The following MTOR variants were observed in gnomAD, a reference collection of about 807,000 sequenced individuals.
MTOR encodes serine/threonine-protein kinase mTOR.
A neutral mutation model predicts 319.8 loss-of-function variants in MTOR; 70 were observed. The observed-to-expected ratio is 0.22, with a 90% confidence interval of 0.18 to 0.27. The LOEUF is 0.27. MTOR is among the 10% of genes least tolerant of loss of function. MTOR has a pLI of 1.00. For missense variants in MTOR, 1,890 were observed against 3,274.4 expected (o/e 0.58, Z 10.32); for synonymous variants, 1,183 against 1,211.4 (o/e 0.98, Z 0.49).
chr1:11,175,946 C>A (rs1210076900), intron 28 of MTOR, among the ~76,000 whole-genome samples: 1 of 152,094 alleles, frequency 6.6e-6, no homozygotes, highest in East Asian at 1.9e-4. Context: ...TGTGTTTTCA[C>A]CATGTTGGCC....
At chr1:11,174,239 T>G (rs1431034641) in intron 28 of MTOR, among the ~76,000 whole-genome samples, 1 of 152,180 alleles carries the variant, frequency 6.6e-6, no homozygotes, top group Non-Finnish European at 1.5e-5. Context: ...TTTCTCCTCT[T>G]GGCATCAGTA....
intron 28 of MTOR, chr1:11,192,393 C>T: frequency 6.4e-7 from 1 of 1,555,420 alleles, no homozygotes; most frequent in South Asian, 1.1e-5. Flanking sequence ...CAGTCACTGG[C>T]CATGCCCTAA....
At chr1:11,252,112 A>G (rs892561173) in intron 6 of MTOR, among the ~76,000 whole-genome samples, 5 of 152,184 alleles carry the variant, frequency 3.3e-5, no homozygotes, top group Non-Finnish European at 7.3e-5. Context: ...TCCCTCCGAT[A>G]AAGTAGCATA....
chr1:11,206,093 G>T (rs147874632), intron 25 of MTOR, among the ~76,000 whole-genome samples: 119 of 152,312 alleles, frequency 7.8e-4, no homozygotes, highest in African/African-American at 2.8e-3. Context: ...GAGAACCTCT[G>T]AATGAGAAGG....
intron 1 of MTOR, among the ~76,000 whole-genome samples, chr1:11,260,731 C>T (rs890958219): frequency 1.4e-5 from 2 of 146,816 alleles, no homozygotes; most frequent in South Asian, 2.2e-4. Flanking sequence ...TTTTTTTTAG[C>T]GAGTCTTCAA....
chr1:11,195,879 T>C (rs988793564), intron 28 of MTOR: 2 of 152,288 alleles, frequency 1.3e-5, no homozygotes, highest in African/African-American at 4.8e-5. Flanking sequence ...TAATAATAAA[T>C]GCTGTAAATA....
rs1325861413 is a variant in MTOR at position 11,240,291 on chromosome 1, G to A, written c.1786+12C>T. ...TCTCACTATCTTGGCAAGAGCCGTTGTAATTTCTTACCTTCAAATTCAAAG... is the reference window on the plus strand; with the variant it reads ...TCTCACTATCTTGGCAAGAGCCGTTATAATTTCTTACCTTCAAATTCAAAG... On this transcript the variant is annotated intron_variant, in intron 11 of 57. Transcript: ENST00000361445. 5.2e-6 allele frequency: 8 copies of A among 1,544,010 alleles called. No homozygotes were observed.
chr1:11,115,951 C>T lies in MTOR; in HGVS notation c.7017-483G>A, dbSNP rs552544048. On this transcript the variant is annotated intron_variant, in intron 50 of 57. Coordinates refer to ENST00000361445, the MANE Select transcript of MTOR (RefSeq NM_004958.4). The surrounding 1 kb of genome is among the most constrained non-coding windows in gnomAD (Gnocchi z 4.5). ...GTAACAGGGTCTCATCTCCTTAAGT[C>T]CCTGAGCCAATCCCGGCAACCACCT... 2.0e-5 allele frequency among the ~76,000 whole-genome samples: 3 copies of T among 152,312 alleles called. No homozygotes were observed. In the South Asian group the frequency reaches 6.2e-4, roughly 32 times the overall value.
intron 5 of MTOR, 138 bp from the exon 6 acceptor site, chr1:11,254,111 A>G: frequency 1.0e-6 from 1 of 960,836 alleles, no homozygotes; most frequent in Non-Finnish European, 1.5e-6. Context: ...CAACAAAACT[A>G]ACTGATCAAT....
intron 34 of MTOR, among the ~76,000 whole-genome samples, chr1:11,141,038 T>C (rs753988686): frequency 6.6e-6 from 1 of 151,594 alleles, no homozygotes; most frequent in Non-Finnish European, 1.5e-5. Context: ...TCTTAGATTC[T>C]TTCTTCTTCA....
rs1301726490 is a variant in MTOR, at chr1:11,247,502, G to C, written c.1225+123C>G. On this transcript the variant is annotated intron_variant, in intron 8 of 57. Coordinates refer to ENST00000361445, the MANE Select transcript of MTOR (RefSeq NM_004958.4). ...ACTAAATAGCATTGAAATTGGACAT[G>C]AGACAAAGAAATCAGAGATTTGTTG... 4 of 796,414 alleles carry C rather than the reference G, an allele frequency of 5.0e-6. No homozygotes were observed. The Middle Eastern group carries it at 1.1e-3, about 218-fold the overall frequency. 49.3% of individuals were successfully genotyped at this position (796,414 alleles called of 1,614,324 possible).
chr1:11,127,211 CA>C lies in MTOR; in HGVS notation c.6217-68del. The C allele has an allele frequency of 6.3e-7, 1 of 1,597,822 alleles. No individual in the cohort carries two copies. Among genetic ancestry groups the C allele is most frequent in the East Asian group, 2.2e-5 (1 of 44,792 alleles). On this transcript the variant is annotated intron_variant, in intron 44 of 57. Transcript: ENST00000361445. The surrounding 1 kb of genome is among the most constrained non-coding windows in gnomAD (Gnocchi z 5.5). ...CAACCAACCCAGGAGGCAAAATCCC[CA>C]GGCTGACTGCAGATATTCCTCAGGA...
At chr1:11,155,183 C>T (rs1644277689) in intron 30 of MTOR, among the ~76,000 whole-genome samples, 1 of 152,018 alleles carries the variant, frequency 6.6e-6, no homozygotes, top group African/African-American at 2.4e-5. Flanking sequence ...ATTAAATAGA[C>T]TAGATTTATT....
chr1:11,128,316 C>G lies in MTOR; in HGVS notation c.5910+138G>C. Reference sequence around the variant, plus strand: ...AAGGCTCCCGGGCCCTCTGGGACGGCTGGCTGGACAGACCCTCCTGGGCCA... The same window carrying G: ...AAGGCTCCCGGGCCCTCTGGGACGGGTGGCTGGACAGACCCTCCTGGGCCA... On this transcript the variant is annotated intron_variant, in intron 42 of 57. Transcript: ENST00000361445. This position sits in a 1 kb window ranked among gnomAD's most constrained non-coding sequence, Gnocchi z 5.3. The G allele has an allele frequency of 4.1e-6, 5 of 1,224,418 alleles. No homozygotes were observed. Among genetic ancestry groups the G allele is most frequent in the Non-Finnish European group, 5.7e-6 (5 of 870,252 alleles). 75.8% of individuals were successfully genotyped at this position (1,224,418 alleles called of 1,614,324 possible).
intron 30 of MTOR, among the ~76,000 whole-genome samples, chr1:11,150,847 A>C (rs1394364210): frequency 6.6e-6 from 1 of 152,214 alleles, no homozygotes; most frequent in Non-Finnish European, 1.5e-5. Flanking sequence ...AGAACATGGA[A>C]GCCCTAGAAT....
At chr1:11,186,454 T>A (rs1246177304) in intron 28 of MTOR, among the ~76,000 whole-genome samples, 1 of 152,230 alleles carries the variant, frequency 6.6e-6, no homozygotes, top group African/African-American at 2.4e-5. Flanking sequence ...CTGACTTTTT[T>A]CATTAAGAAC....
At chr1:11,132,704 CAA>C in intron 38 of MTOR, 1 of 168,818 alleles carries the variant, frequency 5.9e-6, no homozygotes, top group South Asian at 1.8e-4. Context: ...GAGGAGCAGG[CAA>C]GGATGCAAAT....
At chr1:11,118,370 AGG>A (rs1426396137) in intron 49 of MTOR, among the ~76,000 whole-genome samples, 1 of 37,508 alleles carries the variant, frequency 2.7e-5, no homozygotes. Context: ...CTGAGTAGCT[AGG>A]ATAACAGGCA....
rs1465021351 is a variant in MTOR, at chr1:11,114,876, G to C, written c.7101C>G (p.Thr2367=). The C allele has an allele frequency of 6.2e-7, 1 of 1,613,686 alleles. No homozygotes were observed. ...DFGDCFEVAM[T]REKFPEKIPF... ...GAATCTTCTCTGGAAACTTCTCTCG[G>C]GTCATAGCAACCTACAGAATAATAA... Residue 2367 remains threonine (T), a synonymous_variant, in exon 52 of 58, where the codon ACC becomes ACG. Coordinates refer to ENST00000361445, the MANE Select transcript of MTOR (RefSeq NM_004958.4).
Sources: allele counts gnomAD v4.1 joint callset (sites outside exome capture counted in the v4.1 genomes callset), GRCh38; gene constraint gnomAD v4.1.1; non-coding constraint Gnocchi (gnomAD v3.1); transcripts MANE v1.5; gene names NCBI Gene and HGNC (gene_info 2026-07-23, HGNC 2026-07-21).